CFAP221: variants seen among roughly 807,000 people sequenced by gnomAD.
CFAP221 encodes the protein cilia and flagella associated protein 221.
CFAP221 carries 97 observed loss-of-function variants against 113.1 expected under a neutral mutation model. That is an observed-to-expected ratio of 0.86 (90% confidence interval 0.73 to 1.02). The LOEUF (loss-of-function observed/expected upper bound fraction) is 1.02. CFAP221 is among the 50% of genes least tolerant of loss of function. The pLI is 0.00. For synonymous variants in CFAP221, 331 were observed against 354.4 expected, an observed-to-expected ratio of 0.93 and a Z score of 0.74; for missense variants, 1,025 against 1,013.4, an observed-to-expected ratio of 1.01 and a Z score of -0.16.
At chr2:119,569,864 C>T (rs1681921095) in intron 6 of CFAP221, among the ~76,000 whole-genome samples, 1 of 152,154 alleles carries the variant, frequency 6.6e-6, no homozygotes, top group Non-Finnish European at 1.5e-5. Context: ...TTTAGGATTT[C>T]CATCTCTCTG....
intron 19 of CFAP221, among the ~76,000 whole-genome samples, chr2:119,635,731 G>A (rs1687072057): frequency 6.6e-6 from 1 of 152,204 alleles, no homozygotes; most frequent in East Asian, 1.9e-4. Context: ...AGACCCTAAG[G>A]AAGGAAAAGA....
At chr2:119,654,734 C>G (rs1688333615) in intron 23 of CFAP221, among the ~76,000 whole-genome samples, 1 of 152,178 alleles carries the variant, frequency 6.6e-6, no homozygotes, top group South Asian at 2.1e-4. Context: ...ACATTTCACA[C>G]ATTTGCAATA....
At chr2:119,625,750 T>C in intron 15 of CFAP221, 62 bp downstream of exon 15, 2 of 1,406,856 alleles carry the variant, frequency 1.4e-6, no homozygotes, top group Non-Finnish European at 2.0e-6. Context: ...GCGTGAACTT[T>C]CCTTAGAATG....
At chr2:119,615,219 C>T (rs938998092) in intron 13 of CFAP221, among the ~76,000 whole-genome samples, 3 of 152,220 alleles carry the variant, frequency 2.0e-5, no homozygotes, top group Non-Finnish European at 2.9e-5. Flanking sequence ...CATGTGTCAG[C>T]GCTGGGCATG....
chr2:119,600,159 A>G (rs987501533), intron 7 of CFAP221, among the ~76,000 whole-genome samples: 3 of 152,202 alleles, frequency 2.0e-5, no homozygotes, highest in African/African-American at 7.2e-5. Context: ...GACAGCAATA[A>G]GTAAATAAAT....
intron 22 of CFAP221, among the ~76,000 whole-genome samples, chr2:119,647,378 T>A (rs1668317484): frequency 6.6e-6 from 1 of 152,172 alleles, no homozygotes; most frequent in Non-Finnish European, 1.5e-5. Context: ...AGGACTTGGA[T>A]GGGCATAAAG....
At position 119,601,331 on chromosome 2, in the gene CFAP221, T is replaced by C. The variant is rs1455898445; in HGVS notation, c.745T>C (p.Tyr249His). 6.5e-7 allele frequency: 1 copy of C among 1,534,854 alleles called. No homozygotes were observed. The highest frequency in any genetic ancestry group is 1.4e-5 in the African/African-American group (1 of 73,046). ...LWISQFNSQP[Y>H]ECVFTGTCYP... ...GATTTCGCAGTTCAACTCTCAACCA[T>C]ACGAATGTGTCTTCACCGGAACATG... Residue 249 changes from tyrosine to histidine, a missense_variant, in exon 8 of 24, where the codon TAC (tyrosine) becomes CAC (histidine). By Grantham distance (83) the Tyr-to-His change is moderately conservative. Transcript: ENST00000413369.
At chr2:119,634,789 G>A (rs1424443811) in intron 19 of CFAP221, among the ~76,000 whole-genome samples, 1 of 152,206 alleles carries the variant, frequency 6.6e-6, no homozygotes, top group Non-Finnish European at 1.5e-5. Context: ...ATAATCAAGA[G>A]TGAATGATGG....
intron 22 of CFAP221, among the ~76,000 whole-genome samples, chr2:119,647,876 A>T (rs1687905501): frequency 6.6e-6 from 1 of 152,194 alleles, no homozygotes; most frequent in Admixed American, 6.5e-5. Context: ...TCTCATTAAA[A>T]TTAGATTCCA....
intron 3 of CFAP221, among the ~76,000 whole-genome samples, chr2:119,554,534 AC>A (rs1389622680): frequency 6.6e-6 from 1 of 152,218 alleles, no homozygotes; most frequent in Non-Finnish European, 1.5e-5. Context: ...AAATAAATGA[AC>A]AGTTTCTTCT....
At chr2:119,648,131 C>T (rs767366563) in intron 22 of CFAP221, among the ~76,000 whole-genome samples, 3 of 152,204 alleles carry the variant, frequency 2.0e-5, no homozygotes, top group Non-Finnish European at 2.9e-5. Context: ...GTGCCTCACA[C>T]ATAGTAAGGT....
chr2:119,598,230 C>T lies in CFAP221; in HGVS notation c.632-2988C>T, dbSNP rs7581891. Among the ~76,000 whole-genome samples the T allele has an allele frequency of 3.8e-3, 575 of 152,276 alleles. 6 individuals carry two copies. The highest frequency in any genetic ancestry group is 0.013 in the African/African-American group (540 of 41,550). On this transcript the variant is annotated intron_variant, in intron 7 of 23. Coordinates refer to ENST00000413369, the MANE Select transcript of CFAP221 (RefSeq NM_001271049.2). ...AGAAATTTTTTTTAATGTTCCCCAT[C>T]CTGGGCCTCACTGCCATAACAAGTA...
chr2:119,582,317 A>G (rs1400717381), intron 6 of CFAP221, among the ~76,000 whole-genome samples: 1 of 152,214 alleles, frequency 6.6e-6, no homozygotes, highest in African/African-American at 2.4e-5. Flanking sequence ...TAAAACTACA[A>G]CTCAACATAG....
intron 22 of CFAP221, among the ~76,000 whole-genome samples, chr2:119,647,263 C>T (rs1333063140): frequency 6.6e-6 from 1 of 152,138 alleles, no homozygotes; most frequent in Non-Finnish European, 1.5e-5. Context: ...GCTTCCTGAT[C>T]TTTAGCTCTT....
chr2:119,601,556 T>A, intron 8 of CFAP221, 179 bp downstream of exon 8: 1 of 538,490 alleles, frequency 1.9e-6, no homozygotes, highest in Non-Finnish European at 2.9e-6. Flanking sequence ...TCTATGCTAG[T>A]AGCAAGAGTT....
At chr2:119,659,265 T>A (rs1688542191), downstream of CFAP221, among the ~76,000 whole-genome samples, 1 of 152,212 alleles carries the variant, frequency 6.6e-6, no homozygotes, top group African/African-American at 2.4e-5. Context: ...TTACTTTGGC[T>A]TTATAGAGTC....
chr2:119,639,641 C>A, intron 20 of CFAP221, 140 bp from the exon 21 acceptor site: 1 of 666,162 alleles, frequency 1.5e-6, no homozygotes, highest in Non-Finnish European at 2.6e-6. Context: ...CTTTTTGCTT[C>A]AGAAAAATTC....
intron 6 of CFAP221, among the ~76,000 whole-genome samples, chr2:119,566,588 A>G (rs913945572): frequency 5.3e-5 from 8 of 152,232 alleles, no homozygotes; most frequent in East Asian, 3.9e-4. Flanking sequence ...GAGCAGCCTC[A>G]ACGTGGCTCC....
intron 7 of CFAP221, among the ~76,000 whole-genome samples, chr2:119,588,710 T>C (rs971318045): frequency 2.0e-5 from 3 of 152,198 alleles, no homozygotes; most frequent in African/African-American, 7.2e-5. Context: ...TGTGGTTGTT[T>C]TGGTACTTTG....
Sources: gnomAD v4.1 joint callset for allele counts (sites outside exome capture counted in the v4.1 genomes callset) on GRCh38, gnomAD v4.1.1 for gene constraint, MANE v1.5 for transcripts, NCBI Gene and HGNC (gene_info 2026-07-23, HGNC 2026-07-21) for gene names.